INPP5E: variants seen among roughly 807,000 people sequenced by gnomAD.
INPP5E encodes inositol polyphosphate-5-phosphatase E.
A neutral mutation model predicts 50.5 loss-of-function variants in INPP5E; 34 were observed. The observed-to-expected ratio is 0.67, with a 90% CI of 0.51 to 0.90. The LOEUF is 0.90. Among genes scored for constraint, INPP5E ranks in the 40% least tolerant of loss-of-function variants. The pLI, the probability that INPP5E is intolerant of heterozygous loss-of-function variation, is 0.00. For synonymous variants in INPP5E, 447 were observed against 406.0 expected (o/e 1.10, Z -1.21); for missense variants, 942 against 905.5 (o/e 1.04, Z -0.52).
rs151090087 is a variant in INPP5E, at chr9:136,434,074, G to C, written c.997C>G (p.Leu333Val). Residue 333 changes from leucine to valine, a missense_variant, in exon 3 of 10, where the codon CTG becomes GTG. By Grantham distance (32) the Leu-to-Val change is conservative. Coordinates refer to ENST00000371712, the MANE Select transcript of INPP5E (RefSeq NM_019892.6). ...CCCTCCTGGACCCCGATGACATACA[G>C]GTCCTGGGCATAGTCGGCCTCGGCT... ...LPAEADYAQD[L>V]YVIGVQEGCS... 6.2e-7 allele frequency: 1 copy of C among 1,611,136 alleles called. No individual in the cohort carries two copies. The highest frequency in any genetic ancestry group is 1.7e-5 in the Admixed American group (1 of 59,908).
chr9:136,435,514 GTTAT>G (rs146029108), intron 1 of INPP5E: 6,177 of 152,964 alleles, frequency 0.04, 155 homozygotes, highest in African/African-American at 0.054. Context: ...CGCCCGGCTA[GTTAT>G]TTATTTATTT....
rs1835716786 is a variant in INPP5E at position 136,431,954 on chromosome 9, G to C, written c.1419C>G (p.Phe473Leu). ...ADVTTRFDEV[F>L]WFGDFNFRLS... ...GGCGGAAGTTGAAGTCTCCAAACCA[G>C]AACACCTCATCGAAGCGGGTGGTGA... Residue 473 changes from phenylalanine to leucine, a missense_variant, in exon 7 of 10, where the codon TTC becomes TTG. Physicochemically the swap from Phe to Leu is conservative, Grantham distance 22. Transcript: ENST00000371712. The C allele has an allele frequency of 6.2e-7, 1 of 1,612,224 alleles. No individual in the cohort carries two copies. Among genetic ancestry groups the C allele is most frequent in the Non-Finnish European group, 8.5e-7 (1 of 1,179,860 alleles).
Position 136,434,113 on chromosome 9 carries a change from C to T in INPP5E, c.958G>A (p.Glu320Lys), listed in dbSNP as rs1254993477. Residue 320 changes from glutamate to lysine, a missense_variant, in exon 3 of 10, where the codon GAG (glutamate) becomes AAG (lysine). Transcript: ENST00000371712. ...GQKELPPSLDEFLLPAEADYA... is the reference protein window; with the variant it reads ...GQKELPPSLDKFLLPAEADYA... ...TCGGCCTCGGCTGGGAGCAGGAACT[C>T]GTCCAGGCTGGGCGGGAGCTCCTGG... The T allele has an allele frequency of 1.3e-5, 21 of 1,609,622 alleles. No homozygotes were observed. The highest frequency in any genetic ancestry group is 5.0e-5 in the Admixed American group (3 of 59,772).
intron 1 of INPP5E, chr9:136,437,664 G>A (rs1315490313): frequency 2.6e-5 from 4 of 152,348 alleles, no homozygotes; most frequent in African/African-American, 7.2e-5. Context: ...GAGTTACAAC[G>A]GCCCCAGGAC....
intron 3 of INPP5E, among the ~76,000 whole-genome samples, 165 bp from the exon 4 acceptor site, chr9:136,433,444 T>C (rs980979229): frequency 1.3e-5 from 2 of 151,970 alleles, no homozygotes; most frequent in African/African-American, 4.8e-5. Flanking sequence ...TGGGCCAGAG[T>C]TGGGACCTGC....
At chr9:136,430,899 C>G in intron 8 of INPP5E, 103 bp downstream of exon 8, 1 of 834,042 alleles carries the variant, frequency 1.2e-6, no homozygotes, top group Non-Finnish European at 2.0e-6. Flanking sequence ...GTTTCAAGTC[C>G]AGGCCGTCCA....
chr9:136,429,673 C>T lies in INPP5E; in HGVS notation c.*2G>A. On this transcript the variant is annotated 3_prime_UTR_variant, in exon 10 of 10. Transcript: ENST00000371712. ...CAGCTGTGAGTCCTCGTTCAGCAAA[C>T]TTCAAGAAACGGAGCAGATGGTGCT... The T allele has an allele frequency of 1.2e-6, 2 of 1,614,028 alleles. No individual in the cohort carries two copies. The highest frequency in any genetic ancestry group is 1.7e-6 in the Non-Finnish European group (2 of 1,180,036).
At chr9:136,433,355 C>A in intron 3 of INPP5E, 76 bp from the exon 4 acceptor site, 1 of 1,501,546 alleles carries the variant, frequency 6.7e-7, no homozygotes, top group Non-Finnish European at 8.9e-7. Flanking sequence ...CTGCCCAGAG[C>A]CCCTCGAGGA....
chr9:136,438,941 G>T lies in INPP5E; in HGVS notation c.479C>A (p.Pro160His). ...ERGSPSSGGNPLSGVASSSPN... is the reference protein window; with the variant it reads ...ERGSPSSGGNHLSGVASSSPN... Reference sequence around the variant, plus strand: ...GGAGCTGCTGGCCACCCCAGAGAGAGGGTTACCCCCCGAGGACGGGCTCCC... The same window carrying T: ...GGAGCTGCTGGCCACCCCAGAGAGATGGTTACCCCCCGAGGACGGGCTCCC... Residue 160 changes from proline to histidine, a missense_variant, in exon 1 of 10, where the codon CCT becomes CAT. Physicochemically the swap from Pro to His is moderately conservative, Grantham distance 77. Coordinates refer to ENST00000371712, the MANE Select transcript of INPP5E (RefSeq NM_019892.6). 6.4e-7 allele frequency: 1 copy of T among 1,569,728 alleles called. No homozygotes were observed. The highest frequency in any genetic ancestry group is 8.6e-7 in the Non-Finnish European group (1 of 1,157,834).
Position 136,438,900 on chromosome 9 carries a change from T to C in INPP5E, c.520A>G (p.Arg174Gly), listed in dbSNP as rs929956067. 1 of 1,582,266 alleles carries C rather than the reference T, an allele frequency of 6.3e-7. No individual in the cohort carries two copies. Among genetic ancestry groups the C allele is most frequent in the South Asian group, 1.1e-5 (1 of 87,994 alleles). ...VASSSPNLPHRDAAVAGSSPR... is the reference protein window; with the variant it reads ...VASSSPNLPHGDAAVAGSSPR... Reference sequence around the variant, plus strand: ...GAGCTCCCCGCCACGGCGGCGTCTCTGTGCGGGAGGTTCGGGGAGCTGCTG... The same window carrying C: ...GAGCTCCCCGCCACGGCGGCGTCTCCGTGCGGGAGGTTCGGGGAGCTGCTG... The change falls in exon 1 of 10, where the codon AGA (arginine) becomes GGA (glycine). Residue 174 changes from arginine to glycine, a missense_variant. Physicochemically the swap from Arg to Gly is moderately radical, Grantham distance 125. Coordinates refer to ENST00000371712, the MANE Select transcript of INPP5E (RefSeq NM_019892.6).
chr9:136,435,016 G>C (rs572427815), intron 1 of INPP5E, among the ~76,000 whole-genome samples, 153 bp from the exon 2 acceptor site: 2 of 152,358 alleles, frequency 1.3e-5, no homozygotes, highest in African/African-American at 2.4e-5. Context: ...CGGCACTGCT[G>C]TCTGCTCTCC....
chr9:136,439,654 C>T lies in INPP5E; in HGVS notation c.-235G>A, dbSNP rs1204201801. The T allele has an allele frequency of 4.0e-5, 14 of 350,764 alleles. No homozygotes were observed. The East Asian group carries it at 6.0e-4, about 15-fold the overall frequency. 21.7% of individuals were successfully genotyped at this position (350,764 alleles called of 1,614,324 possible). ...TTCCCAGGGCGGTCCGCAGGCAAGGCCTGGGGGAACAGGCGGCTGGGCGCC... is the reference window on the plus strand; with the variant it reads ...TTCCCAGGGCGGTCCGCAGGCAAGGTCTGGGGGAACAGGCGGCTGGGCGCC... On this transcript the variant is annotated 5_prime_UTR_variant, in exon 1 of 10. Transcript: ENST00000371712.
chr9:136,430,919 C>A (rs1372284233), intron 8 of INPP5E, 83 bp downstream of exon 8: 6 of 988,486 alleles, frequency 6.1e-6, no homozygotes, highest in Non-Finnish European at 9.6e-6. Flanking sequence ...AGGCTCAGAC[C>A]CCTGACGCCA....
Position 136,433,223 on chromosome 9 carries a change from G to A in INPP5E, c.1091C>T (p.Ser364Phe), listed in dbSNP as rs536052523. The A allele has an allele frequency of 1.9e-5, 30 of 1,594,810 alleles. No homozygotes were observed. The East Asian group carries it at 5.8e-4, about 31-fold the overall frequency. The change falls in exon 4 of 10, where the codon TCC becomes TTC. Residue 364 changes from serine (S) to phenylalanine (F), a missense_variant. By Grantham distance (155) the Ser-to-Phe change is radical (BLOSUM62 -2). Transcript: ENST00000371712. ...ETLGPHYVLLSSAAHGVLYMS... is the reference protein window; with the variant it reads ...ETLGPHYVLLFSAAHGVLYMS... ...GTAGAGCACGCCGTGGGCCGCCGAG[G>A]ACAGCAGCACATAGTGCGGGCCCAG...
chr9:136,435,615 C>T (rs1232892226), intron 1 of INPP5E: 2 of 152,352 alleles, frequency 1.3e-5, no homozygotes, highest in Non-Finnish European at 2.9e-5. Flanking sequence ...GATGGTTAAA[C>T]ACCGTGTGGC....
At chr9:136,432,259 C>T (rs1163923741) in intron 6 of INPP5E, among the ~76,000 whole-genome samples, 1 of 152,206 alleles carries the variant, frequency 6.6e-6, no homozygotes, top group Non-Finnish European at 1.5e-5. Flanking sequence ...GTGGCGAGGA[C>T]CAGGACCCAG....
At position 136,432,004 on chromosome 9, in the gene INPP5E, T is replaced by A; in HGVS notation, c.1388-19A>T. ...ACGTCCGCTGCGGCACAGTGGGCCATGTGTGGGCACAGGCAGAGGGACGGC... is the reference window on the plus strand; with the variant it reads ...ACGTCCGCTGCGGCACAGTGGGCCAAGTGTGGGCACAGGCAGAGGGACGGC... On this transcript the variant is annotated intron_variant, in intron 6 of 9. Coordinates refer to ENST00000371712, the MANE Select transcript of INPP5E (RefSeq NM_019892.6). 7 of 1,612,584 alleles carry A rather than the reference T, an allele frequency of 4.3e-6. No homozygotes were observed. The highest frequency in any genetic ancestry group is 5.9e-6 in the Non-Finnish European group (7 of 1,179,870).
intron 3 of INPP5E, 79 bp downstream of exon 3, chr9:136,433,958 T>C: frequency 8.6e-7 from 1 of 1,159,432 alleles, no homozygotes; most frequent in Admixed American, 2.0e-5. Context: ...TGCCCAGCCA[T>C]GACCACAGGT....
At position 136,438,733 on chromosome 9, in the gene INPP5E, C is replaced by G. The variant is rs958712451; in HGVS notation, c.687G>C (p.Arg229=). Reference sequence around the variant, plus strand: ...GGCCGGGGCCCAGGCTGCTGTGGGCCCGCACCAGGAGCGGCTGCGCGCGGA... The same window carrying G: ...GGCCGGGGCCCAGGCTGCTGTGGGCGCGCACCAGGAGCGGCTGCGCGCGGA... ...YKLRAQPLLV[R]AHSSLGPGRP... The change falls in exon 1 of 10, where the codon CGG becomes CGC. Residue 229 remains arginine (R), a synonymous_variant. Coordinates refer to ENST00000371712, the MANE Select transcript of INPP5E (RefSeq NM_019892.6). The G allele has an allele frequency of 1.9e-6, 3 of 1,610,770 alleles. No individual in the cohort carries two copies. Among genetic ancestry groups the G allele is most frequent in the Admixed American group, 3.3e-5 (2 of 59,860 alleles).
Sources: allele counts gnomAD v4.1 joint callset (sites outside exome capture counted in the v4.1 genomes callset), GRCh38; gene constraint gnomAD v4.1.1; transcripts MANE v1.5; gene names NCBI Gene and HGNC (gene_info 2026-07-23, HGNC 2026-07-21).